Variants in SYT9 observed in about 807,000 individuals in gnomAD.
The protein encoded by SYT9 is synaptotagmin-9.
A neutral mutation model predicts 48.4 loss-of-function variants in SYT9; 22 were observed. That is an observed-to-expected ratio of 0.45 (90% CI 0.32 to 0.65). The LOEUF (loss-of-function observed/expected upper bound fraction) is 0.65, where lower values mean the gene tolerates loss of function less well. SYT9 is among the 30% of genes least tolerant of loss of function. The probability of loss-of-function intolerance (pLI) is 0.03; values close to 1 mark genes in which losing one functional copy is unlikely to be tolerated. For synonymous variants in SYT9, 265 were observed against 245.0 expected (o/e 1.08, Z -0.76); for missense variants, 577 against 622.0 (o/e 0.93, Z 0.77).
intron 1 of SYT9, among the ~76,000 whole-genome samples, chr11:7,272,910 A>G (rs766046498): frequency 4.6e-5 from 7 of 152,324 alleles, no homozygotes; most frequent in South Asian, 2.1e-4. Flanking sequence ...GGGACCCTCA[A>G]TGAGTTAGGA....
intron 6 of SYT9, among the ~76,000 whole-genome samples, chr11:7,425,677 G>A (rs905911743): frequency 2.0e-5 from 3 of 152,226 alleles, no homozygotes; most frequent in Non-Finnish European, 2.9e-5. Context: ...CTGTCAGTTG[G>A]TGGGGAACCA....
chr11:7,351,424 T>C (rs1849912532), intron 3 of SYT9, among the ~76,000 whole-genome samples: 1 of 152,200 alleles, frequency 6.6e-6, no homozygotes, highest in South Asian at 2.1e-4. Context: ...GTGGCAGTGC[T>C]GGCCCACTTT....
At chr11:7,358,998 C>G (rs1440207979) in intron 3 of SYT9, among the ~76,000 whole-genome samples, 1 of 152,020 alleles carries the variant, frequency 6.6e-6, no homozygotes, top group East Asian at 1.9e-4. Flanking sequence ...TATTCCTCCC[C>G]CCTCCCCTCA....
At chr11:7,427,126 T>G (rs1212524662) in intron 6 of SYT9, 1 of 152,196 alleles carries the variant, frequency 6.6e-6, no homozygotes, top group African/African-American at 2.4e-5. Flanking sequence ...GAGATATATA[T>G]AGAATGAATT....
Position 7,437,331 on chromosome 11 carries a change from A to G in SYT9, c.1467+16696A>G, listed in dbSNP as rs144177424. ...TCTTGGCATTGATTCACATTTAGAT[A>G]TACATTTCAGTCATGACATGGACAT... On this transcript the variant is annotated intron_variant, in intron 6 of 6. Transcript: ENST00000318881. Among the ~76,000 whole-genome samples the G allele has an allele frequency of 3.7e-3, 563 of 152,344 alleles. 6 individuals carry two copies. Among genetic ancestry groups the G allele is most frequent in the East Asian group, 1.9e-3 (10 of 5,190 alleles).
At chr11:7,375,057 AC>A (rs1427198977) in intron 3 of SYT9, among the ~76,000 whole-genome samples, 1 of 152,112 alleles carries the variant, frequency 6.6e-6, no homozygotes, top group Non-Finnish European at 1.5e-5. Context: ...TTTAGGTCTT[AC>A]GTTTAAGTCT....
intron 1 of SYT9, among the ~76,000 whole-genome samples, chr11:7,273,631 A>C (rs980245849): frequency 1.3e-5 from 2 of 152,168 alleles, no homozygotes; most frequent in African/African-American, 4.8e-5. Flanking sequence ...AGTCTGAGGG[A>C]AGTGTATGAA....
At chr11:7,336,242 C>T (rs991242462) in intron 3 of SYT9, among the ~76,000 whole-genome samples, 1 of 152,022 alleles carries the variant, frequency 6.6e-6, no homozygotes, top group Non-Finnish European at 1.5e-5. Flanking sequence ...GGATATTAGA[C>T]CTTTGTTAGA....
intron 3 of SYT9, among the ~76,000 whole-genome samples, chr11:7,368,064 G>A (rs1850285642): frequency 1.3e-5 from 2 of 152,160 alleles, no homozygotes; most frequent in South Asian, 4.1e-4. Flanking sequence ...TCTAACCTAG[G>A]TAGTCTGACT....
intron 6 of SYT9, among the ~76,000 whole-genome samples, chr11:7,453,407 C>A (rs1848094870): frequency 6.6e-6 from 1 of 152,154 alleles, no homozygotes; most frequent in African/African-American, 2.4e-5. Flanking sequence ...CTAGCATGCA[C>A]ACATTCATTC....
intron 3 of SYT9, among the ~76,000 whole-genome samples, chr11:7,400,017 T>G (rs1337700418): frequency 6.6e-6 from 1 of 151,474 alleles, no homozygotes; most frequent in East Asian, 1.9e-4. Context: ...GAAATTTTCA[T>G]CAAAAATAAT....
At chr11:7,243,910 A>G (rs1847766379) in intron 1 of SYT9, among the ~76,000 whole-genome samples, 2 of 151,780 alleles carry the variant, frequency 1.3e-5, no homozygotes, top group Admixed American at 1.3e-4. Flanking sequence ...GTCGTCAGCC[A>G]CTTTGAAAGA....
intron 3 of SYT9, among the ~76,000 whole-genome samples, chr11:7,384,598 T>G (rs1470556526): frequency 6.6e-6 from 1 of 152,196 alleles, no homozygotes; most frequent in Non-Finnish European, 1.5e-5. Flanking sequence ...TCTCACCAGG[T>G]TCACTGAAGT....
chr11:7,298,963 C>T (rs1848863594), intron 1 of SYT9, among the ~76,000 whole-genome samples: 1 of 152,136 alleles, frequency 6.6e-6, no homozygotes, highest in Non-Finnish European at 1.5e-5. Context: ...ACTGGTTTGC[C>T]ATTTGCCTCT....
At chr11:7,247,245 T>C (rs1440766802), upstream of SYT9, among the ~76,000 whole-genome samples, 3 of 152,088 alleles carry the variant, frequency 2.0e-5, no homozygotes, top group Non-Finnish European at 4.4e-5. Context: ...TTTTATCTCC[T>C]GCCCCCTTCC....
intron 3 of SYT9, among the ~76,000 whole-genome samples, chr11:7,391,735 T>TTAAA (rs1447561624): frequency 1.4e-4 from 5 of 35,940 alleles, no homozygotes; most frequent in African/African-American, 4.7e-4. Context: ...ACCCCATCTC[T>TTAAA]AAAAAAAAAA....
intron 1 of SYT9, among the ~76,000 whole-genome samples, chr11:7,269,250 T>A (rs1163209214): frequency 1.3e-5 from 2 of 151,832 alleles, no homozygotes. Flanking sequence ...GCAAATGGGG[T>A]TGAGATAATT....
At chr11:7,405,092 TAAA>T (rs10706521) in intron 3 of SYT9, among the ~76,000 whole-genome samples, 25 of 130,290 alleles carry the variant, frequency 1.9e-4, no homozygotes, top group Admixed American at 2.3e-4. Flanking sequence ...CTGTCAAGGT[TAAA>T]AAAAAAAAAA....
chr11:7,243,903 G>A (rs891700032), intron 1 of SYT9, among the ~76,000 whole-genome samples: 5 of 152,006 alleles, frequency 3.3e-5, no homozygotes, highest in Non-Finnish European at 7.4e-5. Context: ...GATGAGAGTC[G>A]TCAGCCACTT....
Sources: allele counts gnomAD v4.1 joint callset (sites outside exome capture counted in the v4.1 genomes callset), GRCh38; gene constraint gnomAD v4.1.1; transcripts MANE v1.5; gene names NCBI Gene and HGNC (gene_info 2026-07-23, HGNC 2026-07-21).